TRPC6: variants seen among roughly 807,000 people sequenced by gnomAD.
TRPC6 encodes short transient receptor potential channel 6.
A neutral mutation model predicts 90.7 loss-of-function variants in TRPC6; 55 were observed. The observed-to-expected ratio is 0.61, with a 90% confidence interval of 0.49 to 0.76. The LOEUF is 0.76. Ranked by LOEUF, TRPC6 falls within the 30% of genes least tolerant of loss-of-function variation. TRPC6 has a pLI of 0.00. For missense variants in TRPC6, 989 were observed against 1,122.7 expected (o/e 0.88, Z 1.70); for synonymous variants, 393 against 393.0 (o/e 1.00, Z 0.00).
At chr11:101,526,474 A>T (rs73575707) in intron 1 of TRPC6, among the ~76,000 whole-genome samples, 1,939 of 152,252 alleles carry the variant, frequency 0.013, 39 homozygotes, top group African/African-American at 0.044. Flanking sequence ...TTTCTTACTG[A>T]GTGAATCTTT....
At chr11:101,497,739 A>G (rs1490311630) in intron 2 of TRPC6, among the ~76,000 whole-genome samples, 1 of 151,922 alleles carries the variant, frequency 6.6e-6, no homozygotes, top group South Asian at 2.1e-4. Context: ...TTTGCAGAAC[A>G]TGTTGGTTTA....
intron 2 of TRPC6, among the ~76,000 whole-genome samples, chr11:101,495,825 TTAA>T (rs1233562326): frequency 6.6e-6 from 1 of 152,110 alleles, no homozygotes; most frequent in Non-Finnish European, 1.5e-5. Flanking sequence ...CACTCTCTTA[TTAA>T]GATGGGAGTT....
chr11:101,579,432 T>C (rs370453504), intron 1 of TRPC6, among the ~76,000 whole-genome samples: 14 of 152,340 alleles, frequency 9.2e-5, no homozygotes, highest in African/African-American at 2.6e-4. Context: ...TCATGGTCGA[T>C]TGAGTCCATG....
intron 11 of TRPC6, 137 bp downstream of exon 11, chr11:101,454,881 G>GTAAT (rs1858847906): frequency 3.1e-6 from 2 of 637,604 alleles, no homozygotes; most frequent in South Asian, 2.1e-5. Context: ...CTGGTACATG[G>GTAAT]TAATTAATAA....
chr11:101,547,560 G>A (rs73575787), intron 1 of TRPC6, among the ~76,000 whole-genome samples: 4,439 of 152,196 alleles, frequency 0.029, 134 homozygotes, highest in African/African-American at 0.07. Flanking sequence ...TATCAATTAC[G>A]TCAACCATGC....
Position 101,583,798 on chromosome 11 carries a change from C to G in TRPC6, c.-295G>C, listed in dbSNP as rs201878903. ...GGCGCCCGGGCAGAGAGGGCACAGG[C>G]GGGGCCGCTGGTGGTAGCGAAGCGT... On this transcript the variant is annotated 5_prime_UTR_variant, in exon 1 of 13. Transcript: ENST00000344327. 5.7e-6 allele frequency: 2 copies of G among 351,358 alleles called. No homozygotes were observed. Among genetic ancestry groups the G allele is most frequent in the Admixed American group, 9.5e-5 (2 of 21,102 alleles). The allele number at this position is 351,358 out of a possible 1,614,324, so 21.8% of individuals were successfully genotyped here.
At chr11:101,577,734 T>C (rs77545097) in intron 1 of TRPC6, among the ~76,000 whole-genome samples, 3,321 of 152,194 alleles carry the variant, frequency 0.022, 51 homozygotes, top group Admixed American at 0.033. Flanking sequence ...GGAAGAGCAG[T>C]TATAGCCAGC....
intron 1 of TRPC6, among the ~76,000 whole-genome samples, chr11:101,562,229 T>C (rs1050104559): frequency 6.6e-5 from 10 of 151,994 alleles, no homozygotes; most frequent in Admixed American, 5.9e-4. Flanking sequence ...AAAATAAAGA[T>C]GGTAACAGAA....
At chr11:101,468,656 T>G (rs1277720344) in intron 10 of TRPC6, among the ~76,000 whole-genome samples, 1 of 152,182 alleles carries the variant, frequency 6.6e-6, no homozygotes, top group African/African-American at 2.4e-5. Context: ...TGAATCTGAC[T>G]ATGACAAAAA....
At chr11:101,456,452 C>T (rs1173397652) in intron 10 of TRPC6, among the ~76,000 whole-genome samples, 1 of 152,088 alleles carries the variant, frequency 6.6e-6, no homozygotes, top group Non-Finnish European at 1.5e-5. Context: ...GTGTGAAGCT[C>T]CCACTAAGCC....
intron 5 of TRPC6, among the ~76,000 whole-genome samples, chr11:101,481,722 G>A (rs1859555987): frequency 6.6e-6 from 1 of 152,158 alleles, no homozygotes; most frequent in African/African-American, 2.4e-5. Flanking sequence ...CTCGCAGGGA[G>A]CACTTCCATT....
intron 1 of TRPC6, among the ~76,000 whole-genome samples, chr11:101,505,929 T>C (rs376896528): frequency 5.3e-5 from 8 of 150,824 alleles, no homozygotes; most frequent in East Asian, 3.9e-4. Context: ...AGAGTATCAA[T>C]TGAACCCAGG....
intron 1 of TRPC6, among the ~76,000 whole-genome samples, chr11:101,522,776 G>C (rs1333618461): frequency 6.6e-6 from 1 of 152,178 alleles, no homozygotes; most frequent in Non-Finnish European, 1.5e-5. Context: ...TTGAATGCAT[G>C]AAAGCATGCA....
Position 101,583,529 on chromosome 11 carries a change from C to A in TRPC6, c.-26G>T. ...GGCGGGAACGCCCGACTGGCCTGGG[C>A]CCCGCTCCCGGGGGAGCCGAGTGGG... On this transcript the variant is annotated 5_prime_UTR_variant, in exon 1 of 13. Coordinates refer to ENST00000344327, the MANE Select transcript of TRPC6 (RefSeq NM_004621.6). 7.0e-7 allele frequency: 1 copy of A among 1,431,308 alleles called. No homozygotes were observed. The highest frequency in any genetic ancestry group is 9.1e-7 in the Non-Finnish European group (1 of 1,097,614). The allele number at this position is 1,431,308 out of a possible 1,614,324, so 88.7% of individuals were successfully genotyped here. A position where few individuals can be genotyped will look rare whatever the true frequency, so the allele number is the denominator to read the frequency against.
At chr11:101,497,431 G>T (rs965330359) in intron 2 of TRPC6, among the ~76,000 whole-genome samples, 8 of 152,190 alleles carry the variant, frequency 5.3e-5, no homozygotes, top group African/African-American at 1.9e-4. Flanking sequence ...TTTCTTGGAG[G>T]ATAGTTATCT....
rs985915747 is a variant in TRPC6, at chr11:101,558,379, A to G, written c.170+24955T>C. Among the ~76,000 whole-genome samples the G allele has an allele frequency of 6.0e-5, 4 of 66,966 alleles. 1 individual carries two copies. The highest frequency in any genetic ancestry group is 6.6e-5 in the African/African-American group (1 of 15,168). 43.9% of individuals were successfully genotyped at this position (66,966 alleles called of 152,430 possible). A position where few individuals can be genotyped will look rare whatever the true frequency, so the allele number is the denominator to read the frequency against. The stretch of plus-strand genomic sequence containing the variant: ...CATGTATATGGGTATACATGTATAT[A>G]TGTATACATGTATACATATACACAC... On this transcript the variant is annotated intron_variant, in intron 1 of 12. Coordinates refer to ENST00000344327, the MANE Select transcript of TRPC6 (RefSeq NM_004621.6).
chr11:101,452,687 G>GAGTT lies in TRPC6; in HGVS notation c.*264_*267dup, dbSNP rs769410967. ...CTACATGGCAATGACATCATCACAA[G>GAGTT]AGTTAGTTATATCCAAGAAAGCAGT... On this transcript the variant is annotated 3_prime_UTR_variant, in exon 13 of 13. Coordinates refer to ENST00000344327, the MANE Select transcript of TRPC6 (RefSeq NM_004621.6). 4.8e-5 allele frequency: 21 copies of GAGTT among 433,434 alleles called. No homozygotes were observed. The highest frequency in any genetic ancestry group is 7.2e-5 in the Admixed American group (2 of 27,918). The allele number at this position is 433,434 out of a possible 1,614,324, so 26.8% of individuals were successfully genotyped here.
chr11:101,561,961 T>C (rs1481967942), intron 1 of TRPC6, among the ~76,000 whole-genome samples: 1 of 152,088 alleles, frequency 6.6e-6, no homozygotes, highest in African/African-American at 2.4e-5. Flanking sequence ...TTTGGTTCTT[T>C]AGTTCTGATT....
At chr11:101,539,861 T>C (rs1861131714) in intron 1 of TRPC6, among the ~76,000 whole-genome samples, 1 of 152,150 alleles carries the variant, frequency 6.6e-6, no homozygotes, top group Admixed American at 6.6e-5. Context: ...TTTGGGAGTG[T>C]TTGTGAAAGG....
Sources: gnomAD v4.1 joint callset for allele counts (sites outside exome capture counted in the v4.1 genomes callset) on GRCh38, gnomAD v4.1.1 for gene constraint, MANE v1.5 for transcripts, NCBI Gene and HGNC (gene_info 2026-07-23, HGNC 2026-07-21) for gene names.